The following NEGR1 variants were observed in gnomAD, a reference collection of about 807,000 sequenced individuals.
The protein encoded by NEGR1 is neuronal growth regulator 1, also known as IgLON family member 4.
A neutral mutation model predicts 40.9 loss-of-function variants in NEGR1; 10 were observed. That is an observed-to-expected ratio of 0.24 (90% CI 0.15 to 0.42). The LOEUF (loss-of-function observed/expected upper bound fraction) is 0.42. Among genes scored for constraint, NEGR1 ranks in the 10% least tolerant of loss-of-function variants. The probability of loss-of-function intolerance (pLI) is 1.00; values close to 1 mark genes in which losing one functional copy is unlikely to be tolerated. For synonymous variants in NEGR1, 185 were observed against 166.8 expected, an observed-to-expected ratio of 1.11 and a Z score of -0.84; for missense variants, 352 against 438.9, an observed-to-expected ratio of 0.80 and a Z score of 1.77.
intron 1 of NEGR1, among the ~76,000 whole-genome samples, chr1:72,009,106 A>G (rs1361498178): frequency 6.6e-6 from 1 of 152,058 alleles, no homozygotes; most frequent in Admixed American, 6.6e-5. Context: ...GGTGCATATT[A>G]CCATTACAGA....
At chr1:72,030,193 C>CT (rs758800300) in intron 1 of NEGR1, among the ~76,000 whole-genome samples, 232 of 145,284 alleles carry the variant, frequency 1.6e-3, no homozygotes, top group Middle Eastern at 0.011. Context: ...GCTAGGGATA[C>CT]TTTTTTTTTT....
rs1647129928 is a variant in NEGR1 at position 72,058,255 on chromosome 1, AT to A, written c.177-122945del. Reference sequence around the variant, plus strand: ...GAAATAAATATTCTAAATGTATCTAATAAGTTTTTTTTTTGTATTTGAAATC... The same window carrying A: ...GAAATAAATATTCTAAATGTATCTAAAAGTTTTTTTTTTGTATTTGAAATC... On this transcript the variant is annotated intron_variant, in intron 1 of 6. Coordinates refer to ENST00000357731, the MANE Select transcript of NEGR1 (RefSeq NM_173808.3). Among the ~76,000 whole-genome samples, 15 of 151,608 alleles carry A rather than the reference AT, an allele frequency of 9.9e-5. 2 individuals are homozygous for A. The South Asian group carries it at 3.1e-3, about 31-fold the overall frequency.
At chr1:71,608,226 A>G in intron 5 of NEGR1, among the ~76,000 whole-genome samples, 1 of 152,180 alleles carries the variant, frequency 6.6e-6, no homozygotes, top group East Asian at 1.9e-4. Flanking sequence ...CTGAACTGAA[A>G]ATATGTTTGC....
chr1:72,272,585 C>A lies in NEGR1; in HGVS notation c.176+9734G>T, dbSNP rs115300814. On this transcript the variant is annotated intron_variant, in intron 1 of 6. Transcript: ENST00000357731. Reference sequence around the variant, plus strand: ...ACAATATCTCTTAAATTCATTAATACCTCTAAATTTAACTTAGTTGCATGA... The same window carrying A: ...ACAATATCTCTTAAATTCATTAATAACTCTAAATTTAACTTAGTTGCATGA... Among the ~76,000 whole-genome samples the A allele has an allele frequency of 9.4e-3, 1,424 of 151,784 alleles. 31 individuals are homozygous for A. The highest frequency in any genetic ancestry group is 0.033 in the African/African-American group (1,361 of 41,436).
In NEGR1 at chr1:72,067,687, G is replaced by C. The variant is rs567842605; in HGVS notation, c.177-132376C>G. Among the ~76,000 whole-genome samples the C allele has an allele frequency of 4.6e-5, 7 of 152,130 alleles. No individual in the cohort carries two copies. The South Asian group carries it at 1.5e-3, about 32-fold the overall frequency. On this transcript the variant is annotated intron_variant, in intron 1 of 6. Transcript: ENST00000357731. ...AGTGATGCATAATAATATCAGGTTT[G>C]TGGATTTGAAGAGATTTAACATACT...
At chr1:71,999,681 A>G (rs1306686282) in intron 1 of NEGR1, among the ~76,000 whole-genome samples, 1 of 43,332 alleles carries the variant, frequency 2.3e-5, no homozygotes, top group Non-Finnish European at 4.7e-5. Context: ...ATATATATAC[A>G]TACATATTTT....
At chr1:71,682,821 T>G (rs1652884962) in intron 4 of NEGR1, among the ~76,000 whole-genome samples, 1 of 152,192 alleles carries the variant, frequency 6.6e-6, no homozygotes, top group African/African-American at 2.4e-5. Flanking sequence ...ATTATTGCAT[T>G]AGTTATCAGG....
At chr1:72,148,327 C>G (rs1351624314) in intron 1 of NEGR1, among the ~76,000 whole-genome samples, 8 of 152,114 alleles carry the variant, frequency 5.3e-5, no homozygotes, top group Admixed American at 4.6e-4. Flanking sequence ...CTTCCACCCT[C>G]TGAAGCAACA....
intron 1 of NEGR1, among the ~76,000 whole-genome samples, chr1:71,941,530 A>C (rs539842065): frequency 5.9e-4 from 90 of 152,216 alleles, no homozygotes; most frequent in African/African-American, 2.1e-3. Context: ...GGTTCTTATT[A>C]TCTTTCTATT....
intron 3 of NEGR1, among the ~76,000 whole-genome samples, chr1:71,718,323 C>A (rs1464412705): frequency 6.6e-6 from 1 of 152,136 alleles, no homozygotes; most frequent in East Asian, 1.9e-4. Flanking sequence ...CCTGCCCCCA[C>A]CACTCTCGCT....
chr1:71,533,145 T>G (rs1006666144), intron 6 of NEGR1, among the ~76,000 whole-genome samples: 1 of 151,526 alleles, frequency 6.6e-6, no homozygotes, highest in Non-Finnish European at 1.5e-5. Flanking sequence ...CATTTAGGAG[T>G]CATTTCCATA....
At position 71,943,353 on chromosome 1, in the gene NEGR1, A is replaced by C. The variant is rs962240420; in HGVS notation, c.177-8042T>G. Among the ~76,000 whole-genome samples, 3 of 150,902 alleles carry C rather than the reference A, an allele frequency of 2.0e-5. No individual in the cohort carries two copies. The East Asian group carries it at 5.9e-4, about 30-fold the overall frequency. Reference sequence around the variant, plus strand: ...TAGAGCCATTTATATATATACATATATATGTATATATAACATTTTAAATGC... The same window carrying C: ...TAGAGCCATTTATATATATACATATCTATGTATATATAACATTTTAAATGC... On this transcript the variant is annotated intron_variant, in intron 1 of 6. Transcript: ENST00000357731.
At chr1:71,630,089 A>G (rs1391528177) in intron 4 of NEGR1, among the ~76,000 whole-genome samples, 2 of 152,018 alleles carry the variant, frequency 1.3e-5, no homozygotes, top group Non-Finnish European at 2.9e-5. Flanking sequence ...TTCTGGACAT[A>G]TAGAGCTATA....
chr1:72,059,524 CTGTT>C lies in NEGR1; in HGVS notation c.177-124217_177-124214del, dbSNP rs1188808990. Among the ~76,000 whole-genome samples the C allele has an allele frequency of 2.6e-5, 4 of 151,554 alleles. No individual in the cohort carries two copies. The East Asian group carries it at 7.8e-4, about 29-fold the overall frequency. ...ATTAATAATTGTTTGAAGTTTAAAA[CTGTT>C]TGTTTTTTGCACTGTTGATTTTAAC... is the stretch of plus-strand genomic sequence containing the variant. On this transcript the variant is annotated intron_variant, in intron 1 of 6. Transcript: ENST00000357731.
chr1:71,665,160 TTAAAAG>T (rs1278649078), intron 4 of NEGR1, among the ~76,000 whole-genome samples: 1 of 152,176 alleles, frequency 6.6e-6, no homozygotes, highest in Non-Finnish European at 1.5e-5. Context: ...TGAAGGATAC[TTAAAAG>T]TAAAAGTATA....
intron 1 of NEGR1, among the ~76,000 whole-genome samples, chr1:72,130,655 A>G (rs1438475735): frequency 1.3e-5 from 2 of 152,112 alleles, no homozygotes; most frequent in East Asian, 3.9e-4. Context: ...AGAACATTTA[A>G]GTCATGCTCC....
At chr1:72,026,502 C>T (rs992339405) in intron 1 of NEGR1, among the ~76,000 whole-genome samples, 1 of 151,620 alleles carries the variant, frequency 6.6e-6, no homozygotes, top group African/African-American at 2.4e-5. Context: ...TGAACTGATC[C>T]TTTTGCTGTT....
chr1:71,774,579 A>G (rs192839738), intron 3 of NEGR1, among the ~76,000 whole-genome samples: 5 of 152,304 alleles, frequency 3.3e-5, no homozygotes, highest in Admixed American at 3.3e-4. Flanking sequence ...ACATTAGCAG[A>G]TAAAATACAT....
intron 6 of NEGR1, among the ~76,000 whole-genome samples, chr1:71,544,440 G>T (rs1049539205): frequency 7.9e-5 from 12 of 151,522 alleles, no homozygotes; most frequent in African/African-American, 2.9e-4. Context: ...TTATCTAACA[G>T]TGTGACATTG....
Sources: gnomAD v4.1 joint callset for allele counts (sites outside exome capture counted in the v4.1 genomes callset) on GRCh38, gnomAD v4.1.1 for gene constraint, MANE v1.5 for transcripts, NCBI Gene and HGNC (gene_info 2026-07-23, HGNC 2026-07-21) for gene names.